Variants in XDH observed in about 807,000 individuals in gnomAD.
The protein encoded by XDH is xanthine dehydrogenase.
A neutral mutation model predicts 156.1 loss-of-function variants in XDH; 138 were observed. That is an observed-to-expected ratio of 0.88 (90% CI 0.77 to 1.02). XDH has a LOEUF of 1.02. Among genes scored for constraint, XDH ranks in the 50% least tolerant of loss-of-function variants. XDH has a pLI of 0.00. For synonymous variants in XDH, 669 were observed against 625.7 expected (o/e 1.07, Z -1.03); for missense variants, 1,849 against 1,684.9 (o/e 1.10, Z -1.71).
intron 26 of XDH, among the ~76,000 whole-genome samples, chr2:31,349,240 C>G (rs1459600342): frequency 6.6e-6 from 1 of 152,128 alleles, no homozygotes; most frequent in Non-Finnish European, 1.5e-5. Flanking sequence ...AATAATAAAG[C>G]CTTCTCTGTG....
At chr2:31,399,994 CTCTCACG>C (rs1290606303) in intron 4 of XDH, among the ~76,000 whole-genome samples, 3 of 152,114 alleles carry the variant, frequency 2.0e-5, no homozygotes, top group African/African-American at 7.2e-5. Context: ...TTAATTAACC[CTCTCACG>C]TCTCCTTCAG....
chr2:31,341,146 G>A (rs577469532), intron 33 of XDH, among the ~76,000 whole-genome samples, 183 bp downstream of exon 33: 1 of 152,130 alleles, frequency 6.6e-6, no homozygotes, highest in African/African-American at 2.4e-5. Flanking sequence ...TTTGCTTTCT[G>A]CCTTGAGGGT....
rs1033577523 is a variant in XDH at position 31,375,430 on chromosome 2, T to A, written c.1552A>T (p.Lys518Ter). 1 of 1,614,140 alleles carries A rather than the reference T, an allele frequency of 6.2e-7. No individual in the cohort carries two copies. Among genetic ancestry groups the A allele is most frequent in the Non-Finnish European group, 8.5e-7 (1 of 1,180,026 alleles). Residue 518 changes from lysine to a stop codon, truncating the protein, a stop_gained, in exon 15 of 36, where the codon AAG (lysine) becomes TAG (stop). Coordinates refer to ENST00000379416, the MANE Select transcript of XDH (RefSeq NM_000379.4). LOFTEE classifies it high-confidence loss of function. ...RCTLTLSFFFKFYLTVLQKLG... is the reference protein window; with the variant it reads ...RCTLTLSFFF ...TTCTGAAGGACTGTCAGGTAGAACT[T>A]GAAGAAGAAGCTGAGGGTGAGGGTG...
intron 13 of XDH, among the ~76,000 whole-genome samples, chr2:31,378,159 GAAGGAAGGAAGGAAGGAAGC>G (rs1276876243): frequency 0.026 from 3,100 of 117,788 alleles, 166 homozygotes; most frequent in Admixed American, 0.044. Flanking sequence ...AGGAAGGAAG[GAAGGAAGGAAGGAAGGAAGC>G]AAGCAAGCAA....
chr2:31,374,150 C>A (rs1054868478), intron 15 of XDH, among the ~76,000 whole-genome samples, 194 bp from the exon 16 acceptor site: 3 of 152,198 alleles, frequency 2.0e-5, no homozygotes, highest in African/African-American at 7.2e-5. Flanking sequence ...GCAGCCTCAG[C>A]TTCACTGCTA....
At chr2:31,411,957 AAGTGAGTG>A (rs45455193) in intron 1 of XDH, among the ~76,000 whole-genome samples, 8 of 150,452 alleles carry the variant, frequency 5.3e-5, no homozygotes, top group African/African-American at 1.2e-4. Flanking sequence ...AATGATGAGT[AAGTGAGTG>A]AGTGAGTGAG....
At chr2:31,340,781 A>G (rs1685105087) in intron 33 of XDH, among the ~76,000 whole-genome samples, 1 of 152,108 alleles carries the variant, frequency 6.6e-6, no homozygotes, top group South Asian at 2.1e-4. Flanking sequence ...TATTTCACCT[A>G]TTCTTCATAG....
intron 5 of XDH, 100 bp downstream of exon 5, chr2:31,398,473 A>G: frequency 6.3e-7 from 1 of 1,596,304 alleles, no homozygotes; most frequent in East Asian, 2.3e-5. Context: ...CCCTTCCTCC[A>G]AAGGGTAGTC....
chr2:31,337,076 C>T (rs1012910181), intron 35 of XDH, among the ~76,000 whole-genome samples: 1 of 151,914 alleles, frequency 6.6e-6, no homozygotes, highest in Non-Finnish European at 1.5e-5. Flanking sequence ...CTACTTTCTG[C>T]CACATACACC....
chr2:31,388,382 A>T, intron 6 of XDH, 87 bp from the exon 7 acceptor site: 2 of 1,448,134 alleles, frequency 1.4e-6, no homozygotes, highest in Non-Finnish European at 1.9e-6. Context: ...TATCCAGAAC[A>T]CTCCAGCTCT....
At chr2:31,338,794 G>A (rs1322257562) in intron 34 of XDH, among the ~76,000 whole-genome samples, 3 of 138,964 alleles carry the variant, frequency 2.2e-5, no homozygotes, top group East Asian at 2.3e-4. Context: ...TCCAGTCACG[G>A]CTCACTGCAG....
chr2:31,390,718 G>T (rs551798280), intron 6 of XDH, among the ~76,000 whole-genome samples: 1 of 152,096 alleles, frequency 6.6e-6, no homozygotes, highest in Non-Finnish European at 1.5e-5. Context: ...GACCTGTGGT[G>T]GTATTTCACT....
chr2:31,338,403 T>C (rs1030533910), intron 34 of XDH, among the ~76,000 whole-genome samples: 5 of 152,206 alleles, frequency 3.3e-5, no homozygotes, highest in African/African-American at 1.2e-4. Context: ...GCCACACCTA[T>C]TGGAGCAAAA....
rs45579134 is a variant in XDH at position 31,348,198 on chromosome 2, T to C, written c.3147+70A>G. ...CCGGGCCTGCTTCTGCTCTGATAGG[T>C]CCCACTGCTCAATTTCTTATACCAC... On this transcript the variant is annotated intron_variant, in intron 28 of 35. Coordinates refer to ENST00000379416, the MANE Select transcript of XDH (RefSeq NM_000379.4). 0.018 allele frequency: 26,313 copies of C among 1,496,450 alleles called. 304 individuals are homozygous for C. Among genetic ancestry groups the C allele is most frequent in the Non-Finnish European group, 0.021 (22,989 of 1,079,510 alleles). The allele number at this position is 1,496,450 out of a possible 1,614,324, so 92.7% of individuals were successfully genotyped here.
chr2:31,412,504 G>A (rs1167056179), intron 1 of XDH, among the ~76,000 whole-genome samples: 1 of 152,070 alleles, frequency 6.6e-6, no homozygotes, highest in Admixed American at 6.6e-5. Context: ...AGAGGGGAGG[G>A]ATAGCATTAG....
At chr2:31,371,812 T>A (rs1042791328) in intron 17 of XDH, among the ~76,000 whole-genome samples, 2 of 152,206 alleles carry the variant, frequency 1.3e-5, no homozygotes, top group African/African-American at 4.8e-5. Flanking sequence ...GGAAACCTGA[T>A]TCCTAGTCCA....
At chr2:31,367,119 T>C in intron 20 of XDH, 125 bp from the exon 21 acceptor site, 3 of 1,514,602 alleles carry the variant, frequency 2.0e-6, no homozygotes, top group Middle Eastern at 1.8e-4. Context: ...AGGGGTAACC[T>C]CAAGGTTTCC....
In XDH at chr2:31,397,550, T is replaced by A. The variant is rs565336329; in HGVS notation, c.495+118A>T. ...GTCCCCAGAGGGAAGACTCACTAACTGGTCATCTTATCATCATTGTTTGTA... is the reference window on the plus strand; with the variant it reads ...GTCCCCAGAGGGAAGACTCACTAACAGGTCATCTTATCATCATTGTTTGTA... On this transcript the variant is annotated intron_variant, in intron 6 of 35. Transcript: ENST00000379416. 4.2e-4 allele frequency: 519 copies of A among 1,248,674 alleles called. 2 individuals are homozygous for A. In the African/African-American group the frequency reaches 6.1e-3, roughly 15 times the overall value. The allele number at this position is 1,248,674 out of a possible 1,614,324, so 77.3% of individuals were successfully genotyped here.
chr2:31,336,034 T>C (rs757746333), intron 35 of XDH, 26 bp from the exon 36 acceptor site: 2 of 1,613,584 alleles, frequency 1.2e-6, no homozygotes, highest in South Asian at 1.1e-5. Flanking sequence ...AGTGTTCTCA[T>C]TGCCAGGGTC....
Sources: gnomAD v4.1 joint callset for allele counts (sites outside exome capture counted in the v4.1 genomes callset) on GRCh38, gnomAD v4.1.1 for gene constraint, MANE v1.5 for transcripts, NCBI Gene and HGNC (gene_info 2026-07-23, HGNC 2026-07-21) for gene names.